Variants in BMP6 observed in about 807,000 individuals in gnomAD.
BMP6 encodes VG-1-R.
Under a neutral mutation model 54.1 loss-of-function variants are expected in BMP6, and 17 were observed. That is an observed-to-expected ratio of 0.31 (90% CI 0.22 to 0.47). The LOEUF is 0.47. Among genes scored for constraint, BMP6 ranks in the 20% least tolerant of loss-of-function variants. BMP6 has a pLI of 1.00. For missense variants in BMP6, 720 were observed against 690.4 expected (o/e 1.04, Z -0.48); for synonymous variants, 328 against 291.2 (o/e 1.13, Z -1.28).
chr6:7,849,944 A>T (rs1759118670), intron 2 of BMP6, among the ~76,000 whole-genome samples: 1 of 152,208 alleles, frequency 6.6e-6, no homozygotes, highest in African/African-American at 2.4e-5. Context: ...TACCAAATTT[A>T]AAATTTATGT....
At chr6:7,777,693 A>G (rs1254983836) in intron 1 of BMP6, among the ~76,000 whole-genome samples, 2 of 151,412 alleles carry the variant, frequency 1.3e-5, no homozygotes, top group Non-Finnish European at 3.0e-5. Flanking sequence ...AAAAAAAAAA[A>G]GGGAGAAAAA....
At chr6:7,745,072 T>C (rs1444463212) in intron 1 of BMP6, among the ~76,000 whole-genome samples, 4 of 152,246 alleles carry the variant, frequency 2.6e-5, no homozygotes, top group Admixed American at 2.6e-4. Flanking sequence ...GTCAGTCCAA[T>C]AGGATCGTAT....
intron 2 of BMP6, among the ~76,000 whole-genome samples, chr6:7,851,854 G>T (rs1185939654): frequency 1.3e-5 from 2 of 151,802 alleles, no homozygotes; most frequent in Non-Finnish European, 2.9e-5. Flanking sequence ...ATAATGTTAT[G>T]TGTCTGCCAT....
chr6:7,743,703 G>C (rs2113120330), intron 1 of BMP6, among the ~76,000 whole-genome samples: 1 of 152,314 alleles, frequency 6.6e-6, no homozygotes, highest in East Asian at 1.9e-4. Context: ...ACTAACCCCA[G>C]AGATGACCGG....
At chr6:7,779,753 A>G (rs769254875) in intron 1 of BMP6, among the ~76,000 whole-genome samples, 9 of 152,190 alleles carry the variant, frequency 5.9e-5, no homozygotes, top group Non-Finnish European at 1.2e-4. Flanking sequence ...CTGAGCTCTC[A>G]TGAGGCCATT....
rs1561750275 is a variant in BMP6 at position 7,727,215 on chromosome 6, T to C, written c.260T>C (p.Leu87Pro). The change falls in exon 1 of 7, where the codon CTG becomes CCG. Residue 87 changes from leucine (L) to proline (P), a missense_variant. Physicochemically the swap from Leu to Pro is moderately conservative, Grantham distance 98 (BLOSUM62 -3). This residue lies in a region of BMP6 where 650 missense variants were observed against 556.3 expected (regional missense o/e 1.17). Coordinates refer to ENST00000283147, the MANE Select transcript of BMP6 (RefSeq NM_001718.6). ...ATGCAGAAGGAGATCTTGTCGGTGC[T>C]GGGGCTCCCGCACCGGCCCCGGCCC... ...REMQKEILSV[L>P]GLPHRPRPLH... 1 of 1,605,384 alleles carries C rather than the reference T, an allele frequency of 6.2e-7. No individual in the cohort carries two copies. The highest frequency in any genetic ancestry group is 8.5e-7 in the Non-Finnish European group (1 of 1,176,790).
intron 1 of BMP6, among the ~76,000 whole-genome samples, chr6:7,729,872 A>G (rs749070332): frequency 1.3e-5 from 2 of 152,116 alleles, no homozygotes; most frequent in South Asian, 2.1e-4. Context: ...AGGTAGCAGT[A>G]TTTTTTTGTT....
rs74703082 is a variant in BMP6 at position 7,813,925 on chromosome 6, C to A, written c.665-31215C>A. ...AGATGTTGCGACCACTGGTGGCCAGCTTGGGGACATCCAGGTAGTCCAATC... is the reference window on the plus strand; with the variant it reads ...AGATGTTGCGACCACTGGTGGCCAGATTGGGGACATCCAGGTAGTCCAATC... On this transcript the variant is annotated intron_variant, in intron 1 of 6. Transcript: ENST00000283147. Among the ~76,000 whole-genome samples the A allele has an allele frequency of 3.3e-3, 508 of 152,264 alleles. 5 individuals are homozygous for A. Among genetic ancestry groups the A allele is most frequent in the African/African-American group, 0.011 (475 of 41,556 alleles).
chr6:7,850,516 A>G (rs1250903055), intron 2 of BMP6, among the ~76,000 whole-genome samples: 1 of 152,232 alleles, frequency 6.6e-6, no homozygotes. Flanking sequence ...GAACAATCCC[A>G]GACTGAACTA....
intron 4 of BMP6, among the ~76,000 whole-genome samples, chr6:7,874,500 A>G (rs1279410218): frequency 1.3e-5 from 2 of 152,222 alleles, no homozygotes; most frequent in Non-Finnish European, 2.9e-5. Context: ...TCACGCCTGT[A>G]ATCCCAGCAC....
At chr6:7,748,346 A>T (rs944285069) in intron 1 of BMP6, among the ~76,000 whole-genome samples, 5 of 152,302 alleles carry the variant, frequency 3.3e-5, no homozygotes, top group African/African-American at 1.2e-4. Flanking sequence ...AGTTGTTTGC[A>T]ATAAGGGGCC....
intron 1 of BMP6, among the ~76,000 whole-genome samples, chr6:7,820,338 C>G (rs1758587270): frequency 6.6e-6 from 1 of 152,144 alleles, no homozygotes; most frequent in African/African-American, 2.4e-5. Context: ...ATGATAGATC[C>G]CCACCCAGGT....
intron 4 of BMP6, among the ~76,000 whole-genome samples, chr6:7,862,855 G>C (rs1359790750): frequency 6.6e-6 from 1 of 152,188 alleles, no homozygotes; most frequent in Non-Finnish European, 1.5e-5. Flanking sequence ...GGGGGGTTAT[G>C]ATGTGCAAGC....
intron 1 of BMP6, among the ~76,000 whole-genome samples, chr6:7,728,056 G>A (rs1199359681): frequency 2.0e-5 from 3 of 152,104 alleles, no homozygotes; most frequent in Non-Finnish European, 4.4e-5. Context: ...GCCGCCTTTT[G>A]CCCCCTAACT....
chr6:7,828,378 C>T (rs578221701), intron 1 of BMP6, among the ~76,000 whole-genome samples: 124 of 152,316 alleles, frequency 8.1e-4, no homozygotes, highest in Non-Finnish European at 1.3e-3. Flanking sequence ...TCAGAGCGCA[C>T]GGCTGTGCTC....
At chr6:7,734,735 A>G (rs1387549872) in intron 1 of BMP6, among the ~76,000 whole-genome samples, 1 of 152,172 alleles carries the variant, frequency 6.6e-6, no homozygotes, top group Non-Finnish European at 1.5e-5. Context: ...TGCCCTTCCC[A>G]TCTCCATTAT....
At chr6:7,829,264 T>A (rs1299818272) in intron 1 of BMP6, among the ~76,000 whole-genome samples, 1 of 152,072 alleles carries the variant, frequency 6.6e-6, no homozygotes, top group African/African-American at 2.4e-5. Flanking sequence ...TTTATGTATG[T>A]CTTCTCTCTC....
chr6:7,789,840 C>T (rs755931894), intron 1 of BMP6, among the ~76,000 whole-genome samples: 7 of 152,196 alleles, frequency 4.6e-5, no homozygotes, highest in African/African-American at 1.7e-4. Flanking sequence ...CCAGCCCACA[C>T]TGAGCCTGTG....
At chr6:7,793,491 C>T (rs78407998) in intron 1 of BMP6, among the ~76,000 whole-genome samples, 25 of 152,134 alleles carry the variant, frequency 1.6e-4, no homozygotes, top group African/African-American at 5.3e-4. Flanking sequence ...TATACAACAC[C>T]GAGAGTGAAC....
Sources: gnomAD v4.1 joint callset for allele counts (sites outside exome capture counted in the v4.1 genomes callset) on GRCh38, gnomAD v4.1.1 for gene constraint, gnomAD v4.1.1 regional missense constraint, MANE v1.5 for transcripts, NCBI Gene and HGNC (gene_info 2026-07-23, HGNC 2026-07-21) for gene names.